Variants in CD151 observed in about 807,000 individuals in gnomAD.
CD151 encodes the protein CD151 molecule (Raph blood group).
Under a neutral mutation model 34.2 loss-of-function variants are expected in CD151, and 20 were observed. That is an observed-to-expected ratio of 0.58 (90% CI 0.41 to 0.85). CD151 has a LOEUF of 0.85. Among genes scored for constraint, CD151 ranks in the 40% least tolerant of loss-of-function variants. CD151 has a pLI of 0.00. For synonymous variants in CD151, 157 were observed against 131.7 expected, an observed-to-expected ratio of 1.19 and a Z score of -1.32; for missense variants, 306 against 324.5, an observed-to-expected ratio of 0.94 and a Z score of 0.44.
Position 837,645 on chromosome 11 carries a change from C to T in CD151, c.615+27C>T, listed in dbSNP as rs371502964. 147 of 1,590,504 alleles carry T rather than the reference C, an allele frequency of 9.2e-5. 1 individual carries two copies. In the Middle Eastern group the frequency reaches 2.9e-3, roughly 32 times the overall value. ...TGGGTGTGCAGCGGGATCATGCCTC[C>T]AGTGTCTACGAGGTGGTGGGGGGGC... On this transcript the variant is annotated intron_variant, in intron 7 of 8. Coordinates refer to ENST00000397420, the MANE Select transcript of CD151 (RefSeq NM_004357.5).
At chr11:837,902 C>T (rs1456086722) in intron 7 of CD151, 40 bp from the exon 8 acceptor site, 1 of 1,485,556 alleles carries the variant, frequency 6.7e-7, no homozygotes, top group Admixed American at 1.8e-5. Flanking sequence ...GTGGGAGGTG[C>T]CCCCTGGGCC....
chr11:838,734 G>GAGA lies in CD151; in HGVS notation c.*542_*543insAGA. The GAGA allele has an allele frequency of 1.2e-5, 2 of 165,708 alleles. No homozygotes were observed. The highest frequency in any genetic ancestry group is 1.3e-5 in the Non-Finnish European group (1 of 75,630). The allele number at this position is 165,708 out of a possible 1,614,324, so 10.3% of individuals were successfully genotyped here. ...TGCACTGCCCTGTTCATGTGCCTCT[G>GAGA]CGGGGCAGGGCCTTCCTGGTTTTGT... is the stretch of plus-strand genomic sequence containing the variant. On this transcript the variant is annotated 3_prime_UTR_variant, in exon 9 of 9. Transcript: ENST00000397420.
At chr11:836,026 T>C in intron 2 of CD151, 37 bp from the exon 3 acceptor site, 2 of 1,248,156 alleles carry the variant, frequency 1.6e-6, no homozygotes, top group Non-Finnish European at 2.4e-6. Context: ...AGGGGCCCGG[T>C]GCTGTGGCCC....
chr11:834,481 C>G (rs1171229261), intron 1 of CD151, 49 bp from the exon 2 acceptor site: 1 of 152,478 alleles, frequency 6.6e-6, no homozygotes, highest in African/African-American at 2.4e-5. Flanking sequence ...CACTCTGGCC[C>G]TTGGGCCAGA....
chr11:834,768 G>C (rs1846687087), intron 2 of CD151, 177 bp downstream of exon 2: 1 of 152,470 alleles, frequency 6.6e-6, no homozygotes, highest in African/African-American at 2.4e-5. Flanking sequence ...CGGGGCATCT[G>C]GGGAGGGGCA....
At chr11:833,532 G>C (rs1382308984) in intron 1 of CD151, among the ~76,000 whole-genome samples, 1 of 152,232 alleles carries the variant, frequency 6.6e-6, no homozygotes, top group Non-Finnish European at 1.5e-5. Flanking sequence ...CCCCTGACTG[G>C]GGCTCCCCCT....
intron 8 of CD151, 28 bp from the exon 9 acceptor site, chr11:838,102 TCTG>T: frequency 6.2e-7 from 1 of 1,610,860 alleles, no homozygotes; most frequent in African/African-American, 1.3e-5. Flanking sequence ...CCCCATGACG[TCTG>T]CTTACGCCCA....
At position 838,287 on chromosome 11, in the gene CD151, C is replaced by T. The variant is rs1244733052; in HGVS notation, c.*95C>T. 5 of 1,053,584 alleles carry T rather than the reference C, an allele frequency of 4.7e-6. 1 individual carries two copies. The highest frequency in any genetic ancestry group is 7.4e-6 in the Non-Finnish European group (5 of 679,982). The allele number at this position is 1,053,584 out of a possible 1,614,324, so 65.3% of individuals were successfully genotyped here. On this transcript the variant is annotated 3_prime_UTR_variant, in exon 9 of 9. Coordinates refer to ENST00000397420, the MANE Select transcript of CD151 (RefSeq NM_004357.5). ...CTCCCTGATGACACCCACCCTGTGC[C>T]ATCACCATAACCTCTGGGGACCCCA...
intron 2 of CD151, chr11:835,788 C>G (rs550042621): frequency 2.2e-4 from 83 of 373,276 alleles, no homozygotes; most frequent in African/African-American, 1.6e-3. Flanking sequence ...CCCGGGTTCA[C>G]GCCATTCTCC....
Position 838,357 on chromosome 11 carries a change from C to T in CD151, c.*165C>T. ...GTGCCTTTTGCTGCGCACCAATGCC[C>T]AGCAGGGGAGGTGAGGGGGGCTGGC... On this transcript the variant is annotated 3_prime_UTR_variant, in exon 9 of 9. Coordinates refer to ENST00000397420, the MANE Select transcript of CD151 (RefSeq NM_004357.5). 1 of 593,796 alleles carries T rather than the reference C, an allele frequency of 1.7e-6. No individual in the cohort carries two copies. Among genetic ancestry groups the T allele is most frequent in the Non-Finnish European group, 3.0e-6 (1 of 335,128 alleles). The allele number at this position is 593,796 out of a possible 1,614,324, so 36.8% of individuals were successfully genotyped here. A position where few individuals can be genotyped will look rare whatever the true frequency, so the allele number is the denominator to read the frequency against.
chr11:835,693 A>C, intron 2 of CD151: 1 of 169,220 alleles, frequency 5.9e-6, no homozygotes. Flanking sequence ...TTTATTATTT[A>C]TTTATTTATT....
chr11:833,666 G>C (rs1846628364), intron 1 of CD151, among the ~76,000 whole-genome samples: 1 of 152,018 alleles, frequency 6.6e-6, no homozygotes, highest in Non-Finnish European at 1.5e-5. Context: ...TGGGAAGAGG[G>C]GCCACTCCTC....
chr11:835,750 C>G (rs1476332913), intron 2 of CD151: 94 of 293,054 alleles, frequency 3.2e-4, no homozygotes, highest in Non-Finnish European at 5.0e-4. Flanking sequence ...TGCAGTGGCA[C>G]CATCTCGGCT....
At position 838,626 on chromosome 11, in the gene CD151, A is replaced by C; in HGVS notation, c.*434A>C. 8 of 238,982 alleles carry C rather than the reference A, an allele frequency of 3.3e-5. No individual in the cohort carries two copies. The highest frequency in any genetic ancestry group is 6.1e-5 in the South Asian group (1 of 16,368). 14.8% of individuals were successfully genotyped at this position (238,982 alleles called of 1,614,324 possible). A position where few individuals can be genotyped will look rare whatever the true frequency, so the allele number is the denominator to read the frequency against. On this transcript the variant is annotated 3_prime_UTR_variant, in exon 9 of 9. Transcript: ENST00000397420. Reference sequence around the variant, plus strand: ...TGGGCCTGGGCCTCTGCCCCTCCCAACCCAGCCCTCGTCTCCCTCGACAGC... The same window carrying C: ...TGGGCCTGGGCCTCTGCCCCTCCCACCCCAGCCCTCGTCTCCCTCGACAGC...
intron 7 of CD151, among the ~76,000 whole-genome samples, 159 bp downstream of exon 7, chr11:837,777 T>C (rs1039790140): frequency 1.3e-5 from 2 of 152,076 alleles, no homozygotes; most frequent in African/African-American, 4.8e-5. Context: ...ACCTCCAATA[T>C]CTACGAGGAA....
Position 838,565 on chromosome 11 carries a change from C to A in CD151, c.*373C>A. ...GCCTTGCCTTGCAGCCACATGGCCCCATCCCAGTTGGGGAAGCCAGGTGAG... is the reference window on the plus strand; with the variant it reads ...GCCTTGCCTTGCAGCCACATGGCCCAATCCCAGTTGGGGAAGCCAGGTGAG... On this transcript the variant is annotated 3_prime_UTR_variant, in exon 9 of 9. Transcript: ENST00000397420. 1 of 333,732 alleles carries A rather than the reference C, an allele frequency of 3.0e-6. No individual in the cohort carries two copies. The allele number at this position is 333,732 out of a possible 1,614,324, so 20.7% of individuals were successfully genotyped here.
chr11:836,426 G>A lies in CD151; in HGVS notation c.260G>A (p.Arg87Gln), dbSNP rs200217814. 41 of 1,608,884 alleles carry A rather than the reference G, an allele frequency of 2.5e-5. 2 individuals are homozygous for A. The highest frequency in any genetic ancestry group is 2.5e-4 in the East Asian group (11 of 44,872). Residue 87 changes from arginine (R) to glutamine (Q), a missense_variant, in exon 4 of 9, where the codon CGG becomes CAG. Transcript: ENST00000397420. ...TGCTGCGCCACCTTCAAGGAGCGTC[G>A]GAACCTGCTGCGCCTGGTCAGGAGG... is the stretch of plus-strand genomic sequence containing the variant. The part of the protein sequence containing the change: ...LGCCATFKER[R>Q]NLLRLYFILL...
intron 2 of CD151, chr11:835,318 G>C (rs1846710052): frequency 6.6e-6 from 1 of 152,338 alleles, no homozygotes; most frequent in Non-Finnish European, 1.5e-5. Flanking sequence ...CTTCTGGGCT[G>C]GCTTGGGTAT....
At chr11:833,079 G>GGCGAGGGGCGCGAGGGGT (rs1164919795) in intron 1 of CD151, 53 bp downstream of exon 1, 1 of 150,256 alleles carries the variant, frequency 6.7e-6, no homozygotes, top group Non-Finnish European at 1.5e-5. Context: ...GGGCGAGGGG[G>GGCGAGGGGCGCGAGGGGT]GCGAGGGGCG....
Sources: gnomAD v4.1 joint callset for allele counts (sites outside exome capture counted in the v4.1 genomes callset) on GRCh38, gnomAD v4.1.1 for gene constraint, MANE v1.5 for transcripts, NCBI Gene and HGNC (gene_info 2026-07-23, HGNC 2026-07-21) for gene names.